Variants in AKT2 observed in about 807,000 individuals in gnomAD.
The protein encoded by AKT2 is RAC-beta serine/threonine-protein kinase.
A neutral mutation model predicts 58.6 loss-of-function variants in AKT2; 16 were observed. That is an observed-to-expected ratio of 0.27 (90% CI 0.18 to 0.41). AKT2 has a LOEUF of 0.41. AKT2 is among the 10% of genes least tolerant of loss of function. AKT2 has a pLI of 1.00. For missense variants in AKT2, 438 were observed against 661.0 expected, an observed-to-expected ratio of 0.66 and a Z score of 3.70; for synonymous variants, 253 against 254.0, an observed-to-expected ratio of 1.00 and a Z score of 0.04.
chr19:40,272,380 G>A (rs2077231247), intron 1 of AKT2, among the ~76,000 whole-genome samples: 1 of 152,202 alleles, frequency 6.6e-6, no homozygotes, highest in Non-Finnish European at 1.5e-5. Context: ...ACAGCACCCA[G>A]CACGTGGAGA....
chr19:40,255,626 G>A (rs1475512007), intron 3 of AKT2, among the ~76,000 whole-genome samples: 3 of 152,212 alleles, frequency 2.0e-5, no homozygotes, highest in Non-Finnish European at 4.4e-5. Context: ...AGGGAACTTA[G>A]AGGGTACACG....
intron 1 of AKT2, among the ~76,000 whole-genome samples, chr19:40,284,042 CCTG>C (rs1045819672): frequency 1.1e-4 from 16 of 152,168 alleles, no homozygotes; most frequent in Admixed American, 1.3e-4. Context: ...CGAGTGAACT[CCTG>C]CTGCTTCTCT....
chr19:40,263,459 T>C lies in AKT2; in HGVS notation c.46+1763A>G, dbSNP rs191671258. ...AGATCTGGCTTGTTAACCCACTTTA[T>C]AGATGTGAAACCAAGGCTCAGTGAG... On this transcript the variant is annotated intron_variant, in intron 2 of 13. Transcript: ENST00000392038. Among the ~76,000 whole-genome samples the C allele has an allele frequency of 6.8e-4, 103 of 152,314 alleles. 2 individuals are homozygous for C. In the East Asian group the frequency reaches 0.017, roughly 25 times the overall value.
chr19:40,282,574 T>C (rs745506913), intron 1 of AKT2: 5 of 531,818 alleles, frequency 9.4e-6, no homozygotes, highest in Admixed American at 1.9e-5. Flanking sequence ...CATAGGACAG[T>C]CACCTCTATA....
intron 1 of AKT2, among the ~76,000 whole-genome samples, chr19:40,268,284 G>C (rs1976504678): frequency 1.3e-5 from 2 of 152,202 alleles, no homozygotes; most frequent in African/African-American, 4.8e-5. Context: ...CGCCTCTCAG[G>C]GCCCTTGTAA....
rs568304849 is a variant in AKT2, at chr19:40,265,368, G to C, written c.-84-17C>G. On this transcript the variant is annotated splice_polypyrimidine_tract_variant and intron_variant, in intron 1 of 13. Coordinates refer to ENST00000392038, the MANE Select transcript of AKT2 (RefSeq NM_001626.6). ...GGGCACAGTCTGCAAGACAAGAGAG[G>C]AGCTGGTCAGGGCGGGAGGGGATTC... 3 of 1,553,656 alleles carry C rather than the reference G, an allele frequency of 1.9e-6. No homozygotes were observed. Among genetic ancestry groups the C allele is most frequent in the African/African-American group, 1.3e-5 (1 of 74,126 alleles).
intron 1 of AKT2, chr19:40,275,495 C>A (rs987191178): frequency 1.0e-4 from 38 of 368,060 alleles, no homozygotes; most frequent in African/African-American, 8.0e-4. Context: ...CCCCGTTCCT[C>A]ACATGGGAAA....
Position 40,238,089 on chromosome 19 carries a change from C to A in AKT2, c.711G>T (p.Leu237=). ...FVMEYANGGE[L]FFHLSRERVF... Reference sequence around the variant, plus strand: ...CACGCTCCCGGGACAGGTGGAAGAACAGCTGCAGGAGGAAGGGGTGGGGAG... The same window carrying A: ...CACGCTCCCGGGACAGGTGGAAGAAAAGCTGCAGGAGGAAGGGGTGGGGAG... Residue 237 remains leucine (L), a splice_region_variant and synonymous_variant, in exon 9 of 14, where the codon CTG becomes CTT. Coordinates refer to ENST00000392038, the MANE Select transcript of AKT2 (RefSeq NM_001626.6). This position sits in a 1 kb window ranked among gnomAD's most constrained non-coding sequence, Gnocchi z 5.1. 1.3e-6 allele frequency: 2 copies of A among 1,595,158 alleles called. No individual in the cohort carries two copies. The highest frequency in any genetic ancestry group is 1.7e-6 in the Non-Finnish European group (2 of 1,171,142).
intron 1 of AKT2, among the ~76,000 whole-genome samples, chr19:40,273,305 C>T (rs934277952): frequency 2.1e-4 from 31 of 149,810 alleles, no homozygotes; most frequent in Admixed American, 6.0e-4. Flanking sequence ...TGCACCACTG[C>T]ACTCCAGCCT....
chr19:40,284,068 G>A (rs1302196480), intron 1 of AKT2, among the ~76,000 whole-genome samples: 3 of 152,200 alleles, frequency 2.0e-5, no homozygotes, highest in Non-Finnish European at 1.5e-5. Flanking sequence ...GAAGGTAGGA[G>A]TGGATGAAGT....
chr19:40,243,063 A>G (rs1974509449), intron 4 of AKT2: 1 of 292,476 alleles, frequency 3.4e-6, no homozygotes, highest in Admixed American at 4.3e-5. Context: ...AATTGCTTGA[A>G]CCCGGGAGGC....
In AKT2 at chr19:40,240,016, C is replaced by T. The variant is rs12980468; in HGVS notation, c.639+29G>A. ...GAGCTCTGTCCAAAGGCTGGCCTCA[C>T]ACTGTCTGGGAAGGGGAGGGCAACT... On this transcript the variant is annotated intron_variant, in intron 7 of 13. Transcript: ENST00000392038. 5,346 of 1,610,236 alleles carry T rather than the reference C, an allele frequency of 3.3e-3. 14 individuals are homozygous for T. Among genetic ancestry groups the T allele is most frequent in the Non-Finnish European group, 4.3e-3 (5,002 of 1,176,646 alleles).
At chr19:40,248,716 A>G (rs1974919259) in intron 4 of AKT2, among the ~76,000 whole-genome samples, 1 of 152,202 alleles carries the variant, frequency 6.6e-6, no homozygotes, top group Non-Finnish European at 1.5e-5. Context: ...AACAGAGAGG[A>G]GTGGAGGAGA....
At chr19:40,249,321 A>G (rs1974976118) in intron 4 of AKT2, among the ~76,000 whole-genome samples, 1 of 152,190 alleles carries the variant, frequency 6.6e-6, no homozygotes, top group Non-Finnish European at 1.5e-5. Flanking sequence ...GAGGTAAGAA[A>G]GGTACCAGTG....
At chr19:40,282,386 C>A in intron 1 of AKT2, 1 of 424,288 alleles carries the variant, frequency 2.4e-6, no homozygotes, top group Admixed American at 2.6e-5. Flanking sequence ...ACGCAGGTCC[C>A]TGGTAGCTGT....
At chr19:40,258,995 T>G (rs1168393837) in intron 2 of AKT2, among the ~76,000 whole-genome samples, 2 of 152,092 alleles carry the variant, frequency 1.3e-5, no homozygotes, top group Non-Finnish European at 2.9e-5. Flanking sequence ...CTTTCCAATT[T>G]CAAAATTTAC....
Position 40,256,921 on chromosome 19 carries a change from C to T in AKT2, c.175+5G>A. On this transcript the variant is annotated splice_donor_5th_base_variant and intron_variant, in intron 3 of 13. Coordinates refer to ENST00000392038, the MANE Select transcript of AKT2 (RefSeq NM_001626.6). ...GAACACTGACCCACTCATCCCAAGA[C>T]ACACCTGCTACGGAGAAGTTGTTTA... 6.2e-7 allele frequency: 1 copy of T among 1,614,126 alleles called. No individual in the cohort carries two copies. The highest frequency in any genetic ancestry group is 8.5e-7 in the Non-Finnish European group (1 of 1,179,966).
In AKT2 at chr19:40,233,363, C is replaced by T. The variant is rs1265562895; in HGVS notation, c.*509G>A. On this transcript the variant is annotated 3_prime_UTR_variant, in exon 14 of 14. Transcript: ENST00000392038. This position sits in a 1 kb window ranked among gnomAD's most constrained non-coding sequence, Gnocchi z 4.3. The stretch of plus-strand genomic sequence containing the variant: ...CCCTGGACATTATTGCTTTTCTGCC[C>T]CCATAGGGGGACAGCGGGTGGGGGA... The T allele has an allele frequency of 4.8e-6, 2 of 420,320 alleles. No homozygotes were observed. The highest frequency in any genetic ancestry group is 9.0e-6 in the Non-Finnish European group (2 of 221,678). The allele number at this position is 420,320 out of a possible 1,614,324, so 26.0% of individuals were successfully genotyped here.
Position 40,236,349 on chromosome 19 carries a change from T to C in AKT2, c.868A>G (p.Lys290Glu). ...TTGCAGAGGCCAAAGTCAGTGATCT[T>C]GATGTGGCCATCTTTGTCCAGCATG... ...NLMLDKDGHI[K>E]ITDFGLCKEG... Residue 290 changes from lysine to glutamate, a missense_variant, in exon 10 of 14, where the codon AAG becomes GAG. Lys to Glu is a moderately conservative substitution (Grantham distance 56). Transcript: ENST00000392038. 6.2e-7 allele frequency: 1 copy of C among 1,614,206 alleles called. No homozygotes were observed. The highest frequency in any genetic ancestry group is 1.1e-5 in the South Asian group (1 of 91,088).
Sources: gnomAD v4.1 joint callset for allele counts (sites outside exome capture counted in the v4.1 genomes callset) on GRCh38, gnomAD v4.1.1 for gene constraint, Gnocchi (gnomAD v3.1) non-coding constraint, MANE v1.5 for transcripts, NCBI Gene and HGNC (gene_info 2026-07-23, HGNC 2026-07-21) for gene names.